Variants in PAX5 observed in about 807,000 individuals in gnomAD.
PAX5 encodes paired box protein Pax-5.
Under a neutral mutation model 43.7 loss-of-function variants are expected in PAX5, and 9 were observed. The ratio of observed to expected loss-of-function variants is 0.21; its 90% CI spans 0.12 to 0.36. The LOEUF is 0.36. Ranked by LOEUF, PAX5 falls within the 10% of genes least tolerant of loss-of-function variation. PAX5 has a pLI of 1.00. For synonymous variants in PAX5, 228 were observed against 214.3 expected, an observed-to-expected ratio of 1.06 and a Z score of -0.56; for missense variants, 383 against 532.7, an observed-to-expected ratio of 0.72 and a Z score of 2.77.
At position 36,838,019 on chromosome 9, in the gene PAX5, C is replaced by T. The variant is rs1189293785; in HGVS notation, c.*2541G>A. On this transcript the variant is annotated 3_prime_UTR_variant, in exon 10 of 10. Transcript: ENST00000358127. ...GCTCAAGAAGTCTGTGCTGAAGACC[C>T]CTGACCCCACCACTTCCTGCTAAAT... The T allele has an allele frequency of 8.6e-6, 2 of 233,202 alleles. No homozygotes were observed. The highest frequency in any genetic ancestry group is 4.4e-5 in the African/African-American group (2 of 45,320). 14.4% of individuals were successfully genotyped at this position (233,202 alleles called of 1,614,324 possible). A position where few individuals can be genotyped will look rare whatever the true frequency, so the allele number is the denominator to read the frequency against.
chr9:36,854,834 CGA>C (rs931794861), intron 8 of PAX5, among the ~76,000 whole-genome samples: 6 of 152,192 alleles, frequency 3.9e-5, no homozygotes, highest in African/African-American at 1.4e-4. Context: ...AGAGAAAAAC[CGA>C]GAGAGAGGGT....
chr9:36,911,561 CTTG>C (rs973413343), intron 7 of PAX5, among the ~76,000 whole-genome samples: 164 of 152,330 alleles, frequency 1.1e-3, no homozygotes, highest in African/African-American at 3.7e-3. Flanking sequence ...CACTGTAGCT[CTTG>C]TTGTAATTTT....
chr9:36,954,725 T>C (rs1474019400), intron 6 of PAX5, among the ~76,000 whole-genome samples: 2 of 152,204 alleles, frequency 1.3e-5, no homozygotes, highest in Non-Finnish European at 2.9e-5. Flanking sequence ...TTAGTATGCT[T>C]CTTCAATCTA....
chr9:36,902,409 A>G (rs1828482663), intron 7 of PAX5, among the ~76,000 whole-genome samples: 1 of 152,232 alleles, frequency 6.6e-6, no homozygotes, highest in Admixed American at 6.5e-5. Flanking sequence ...GAGCACCTCA[A>G]AAAGGGAGGA....
rs1019531521 is a variant in PAX5, at chr9:36,861,551, C to T, written c.1013-14622G>A. Among the ~76,000 whole-genome samples, 23 of 151,424 alleles carry T rather than the reference C, an allele frequency of 1.5e-4. No homozygotes were observed. In the East Asian group the frequency reaches 4.5e-3, roughly 30 times the overall value. On this transcript the variant is annotated intron_variant, in intron 8 of 9. Coordinates refer to ENST00000358127, the MANE Select transcript of PAX5 (RefSeq NM_016734.3). ...TTAGATGGAGTGACCGGGGATGACTCCACTGAAAAGGTGACTTTTGAAGAA... is the reference window on the plus strand; with the variant it reads ...TTAGATGGAGTGACCGGGGATGACTTCACTGAAAAGGTGACTTTTGAAGAA...
intron 6 of PAX5, among the ~76,000 whole-genome samples, chr9:36,927,711 T>TC (rs1830764849): frequency 9.9e-6 from 1 of 101,234 alleles, no homozygotes; most frequent in African/African-American, 3.0e-5. Flanking sequence ...TTTTTCTTTT[T>TC]CTTTTTTTTT....
chr9:36,849,189 C>A (rs1822905345), intron 8 of PAX5, among the ~76,000 whole-genome samples: 1 of 152,254 alleles, frequency 6.6e-6, no homozygotes, highest in African/African-American at 2.4e-5. Context: ...ACCCTCACCC[C>A]AGCTTGGTGC....
At chr9:36,865,558 G>C (rs2131675598) in intron 8 of PAX5, among the ~76,000 whole-genome samples, 1 of 152,288 alleles carries the variant, frequency 6.6e-6, no homozygotes, top group Non-Finnish European at 1.5e-5. Flanking sequence ...AGCGGGAGAG[G>C]CTGGGGAGAG....
intron 5 of PAX5, among the ~76,000 whole-genome samples, chr9:36,980,471 G>A (rs917833976): frequency 3.9e-5 from 6 of 152,190 alleles, no homozygotes; most frequent in South Asian, 2.1e-4. Context: ...CCACTGCACC[G>A]CATTGCACTG....
In PAX5 at chr9:36,973,735, G is replaced by C. The variant is rs553089691; in HGVS notation, c.605-7011C>G. ...AAAAATTTAAAAATGGCTGGGCATG[G>C]TGGCTCATGCCTGTAATCCCAGCAG... On this transcript the variant is annotated intron_variant, in intron 5 of 9. Coordinates refer to ENST00000358127, the MANE Select transcript of PAX5 (RefSeq NM_016734.3). Among the ~76,000 whole-genome samples, 28 of 152,282 alleles carry C rather than the reference G, an allele frequency of 1.8e-4. 1 individual carries two copies. The South Asian group carries it at 5.6e-3, about 30-fold the overall frequency.
At chr9:36,900,595 C>T (rs905364307) in intron 7 of PAX5, among the ~76,000 whole-genome samples, 8 of 152,160 alleles carry the variant, frequency 5.3e-5, no homozygotes, top group South Asian at 4.1e-4. Flanking sequence ...GCATCTGTGG[C>T]GGGAGTGTCA....
At chr9:36,952,933 A>G (rs375492183) in intron 6 of PAX5, among the ~76,000 whole-genome samples, 5 of 152,050 alleles carry the variant, frequency 3.3e-5, no homozygotes, top group Non-Finnish European at 5.9e-5. Flanking sequence ...TCTTTCTCCA[A>G]CTCCCTTCTT....
chr9:36,901,305 C>T (rs573974400), intron 7 of PAX5, among the ~76,000 whole-genome samples: 1 of 152,222 alleles, frequency 6.6e-6, no homozygotes, highest in Admixed American at 6.5e-5. Context: ...TCTTCCCTCA[C>T]CTGTTTCCCC....
At chr9:36,984,816 C>T (rs559279398) in intron 5 of PAX5, among the ~76,000 whole-genome samples, 1 of 152,292 alleles carries the variant, frequency 6.6e-6, no homozygotes, top group South Asian at 2.1e-4. Flanking sequence ...CCACACTCGC[C>T]TATCACAAAG....
intron 6 of PAX5, among the ~76,000 whole-genome samples, chr9:36,931,793 C>A (rs2132015637): frequency 6.7e-6 from 1 of 148,238 alleles, no homozygotes; most frequent in East Asian, 2.0e-4. Flanking sequence ...AGGCTGCACA[C>A]TGAGCCGAGA....
At chr9:36,888,341 A>G (rs973315007) in intron 7 of PAX5, among the ~76,000 whole-genome samples, 4 of 152,252 alleles carry the variant, frequency 2.6e-5, no homozygotes, top group African/African-American at 9.6e-5. Flanking sequence ...ATTATTCATG[A>G]TAGCCAAAAA....
chr9:36,950,995 G>A (rs937999916), intron 6 of PAX5, among the ~76,000 whole-genome samples: 7 of 152,022 alleles, frequency 4.6e-5, no homozygotes, highest in African/African-American at 7.3e-5. Flanking sequence ...GCCCACCTCG[G>A]CCTCCCAAAG....
chr9:36,936,034 A>G (rs2132034842), intron 6 of PAX5, among the ~76,000 whole-genome samples: 1 of 152,354 alleles, frequency 6.6e-6, no homozygotes, highest in South Asian at 2.1e-4. Context: ...CTCACGGTCA[A>G]GGCAGGGCTC....
intron 7 of PAX5, among the ~76,000 whole-genome samples, chr9:36,895,267 G>A (rs1185642175): frequency 6.6e-6 from 1 of 152,226 alleles, no homozygotes; most frequent in Non-Finnish European, 1.5e-5. Flanking sequence ...CGAATCCGCC[G>A]AATGCATGCG....
Sources: allele counts gnomAD v4.1 joint callset (sites outside exome capture counted in the v4.1 genomes callset), GRCh38; gene constraint gnomAD v4.1.1; transcripts MANE v1.5; gene names NCBI Gene and HGNC (gene_info 2026-07-23, HGNC 2026-07-21).